The following GABRB2 variants were observed in gnomAD, a reference collection of about 807,000 sequenced individuals.
GABRB2 encodes the protein gamma-aminobutyric acid receptor subunit beta-2.
In GABRB2, 16 loss-of-function variants were observed where a neutral mutation model predicts 54.7. The ratio of observed to expected loss-of-function variants is 0.29; its 90% confidence interval spans 0.20 to 0.44. The LOEUF is 0.44. GABRB2 is among the 20% of genes least tolerant of loss of function. The pLI, the probability that GABRB2 is intolerant of heterozygous loss-of-function variation, is 1.00. For synonymous variants in GABRB2, 244 were observed against 233.8 expected (o/e 1.04, Z -0.40); for missense variants, 355 against 644.0 (o/e 0.55, Z 4.86).
chr5:161,469,136 T>C (rs1758362225), intron 3 of GABRB2, among the ~76,000 whole-genome samples: 1 of 151,934 alleles, frequency 6.6e-6, no homozygotes, highest in Non-Finnish European at 1.5e-5. Flanking sequence ...ACATGTCAAG[T>C]GATTTTCAAT....
intron 5 of GABRB2, among the ~76,000 whole-genome samples, chr5:161,340,974 T>G (rs1455674648): frequency 6.6e-6 from 1 of 152,028 alleles, no homozygotes; most frequent in African/African-American, 2.4e-5. Flanking sequence ...GGCTACTGCC[T>G]GTCTTAGAAA....
Position 161,291,138 on chromosome 5 carries a change from T to A in GABRB2, c.*2943A>T, listed in dbSNP as rs963696527. The A allele has an allele frequency of 6.6e-6, 1 of 152,530 alleles. No homozygotes were observed. Among genetic ancestry groups the A allele is most frequent in the Non-Finnish European group, 1.5e-5 (1 of 67,992 alleles). 9.4% of individuals were successfully genotyped at this position (152,530 alleles called of 1,614,324 possible). A position where few individuals can be genotyped will look rare whatever the true frequency, so the allele number is the denominator to read the frequency against. On this transcript the variant is annotated 3_prime_UTR_variant, in exon 10 of 10. Coordinates refer to ENST00000393959, the MANE Select transcript of GABRB2 (RefSeq NM_001371727.1). Reference sequence around the variant, plus strand: ...TACCTACTAGCGGTCATGTACAATATATATATATACAGATTGAGATCAAAG... The same window carrying A: ...TACCTACTAGCGGTCATGTACAATAAATATATATACAGATTGAGATCAAAG...
At chr5:161,338,598 G>A (rs1313007446) in intron 5 of GABRB2, among the ~76,000 whole-genome samples, 1 of 151,972 alleles carries the variant, frequency 6.6e-6, no homozygotes, top group Non-Finnish European at 1.5e-5. Flanking sequence ...ACCATCCTGG[G>A]CAACATAGTA....
At chr5:161,348,991 C>T (rs918447442) in intron 5 of GABRB2, among the ~76,000 whole-genome samples, 1 of 152,092 alleles carries the variant, frequency 6.6e-6, no homozygotes, top group Non-Finnish European at 1.5e-5. Context: ...GAATTGCCAA[C>T]TCTCTTCATA....
chr5:161,498,704 G>A (rs1375595402), intron 3 of GABRB2, among the ~76,000 whole-genome samples: 2 of 152,050 alleles, frequency 1.3e-5, no homozygotes, highest in Non-Finnish European at 2.9e-5. Flanking sequence ...ACAAGGCTCT[G>A]TGCCAAAGGG....
chr5:161,313,119 T>C (rs1257351016), intron 9 of GABRB2, among the ~76,000 whole-genome samples: 1 of 152,188 alleles, frequency 6.6e-6, no homozygotes, highest in African/African-American at 2.4e-5. Context: ...AGCTGTTATG[T>C]CCTGTGAAGT....
At position 161,294,003 on chromosome 5, in the gene GABRB2, G is replaced by T; in HGVS notation, c.*78C>A. On this transcript the variant is annotated 3_prime_UTR_variant, in exon 10 of 10. Coordinates refer to ENST00000393959, the MANE Select transcript of GABRB2 (RefSeq NM_001371727.1). ...CGTCACTTTTGTCCTGGATTGATGT[G>T]TTTTCCAAGTCCTACATCAGGCTGT... 1 of 1,121,798 alleles carries T rather than the reference G, an allele frequency of 8.9e-7. No individual in the cohort carries two copies. The highest frequency in any genetic ancestry group is 1.3e-6 in the Non-Finnish European group (1 of 769,166). The allele number at this position is 1,121,798 out of a possible 1,614,324, so 69.5% of individuals were successfully genotyped here.
chr5:161,301,393 C>T (rs544843431), intron 9 of GABRB2, among the ~76,000 whole-genome samples: 49 of 152,060 alleles, frequency 3.2e-4, no homozygotes, highest in Admixed American at 1.4e-3. Context: ...AGTGCAGACA[C>T]AAGAGAAACC....
At chr5:161,419,482 C>G (rs560657128) in intron 4 of GABRB2, among the ~76,000 whole-genome samples, 1 of 152,094 alleles carries the variant, frequency 6.6e-6, no homozygotes, top group Non-Finnish European at 1.5e-5. Flanking sequence ...GAAAATAAAC[C>G]GCTACGCCAA....
chr5:161,365,194 C>G (rs111995736), intron 5 of GABRB2, among the ~76,000 whole-genome samples: 1,617 of 152,236 alleles, frequency 0.011, 35 homozygotes, highest in South Asian at 0.05. Flanking sequence ...TCATGGGTCT[C>G]TAACATACAT....
At chr5:161,317,998 T>C (rs72813513) in intron 9 of GABRB2, among the ~76,000 whole-genome samples, 8,783 of 152,092 alleles carry the variant, frequency 0.058, 367 homozygotes, top group Middle Eastern at 0.071. Context: ...TATAGATGCA[T>C]AAATCGTTAT....
At chr5:161,543,338 A>G (rs949619688) in intron 3 of GABRB2, among the ~76,000 whole-genome samples, 14 of 152,254 alleles carry the variant, frequency 9.2e-5, no homozygotes, top group African/African-American at 2.9e-4. Context: ...ACTTAAAGGA[A>G]AGAAAAATAA....
In GABRB2 at chr5:161,330,947, T is replaced by C; in HGVS notation, c.1013A>G (p.Gln338Arg). The change falls in exon 8 of 10, where the codon CAA becomes CGA. Residue 338 changes from glutamine to arginine, a missense_variant. Transcript: ENST00000393959. ...GGCAGCCTTCTCAGCTGCTTTCTTT[T>C]GGCGTTGGGGCCCCCTCCCAAAGAA... ...YIFFGRGPQR[Q>R]KKAAEKAASA... 1 of 1,614,180 alleles carries C rather than the reference T, an allele frequency of 6.2e-7. No homozygotes were observed. The highest frequency in any genetic ancestry group is 8.5e-7 in the Non-Finnish European group (1 of 1,180,026).
chr5:161,435,809 G>A (rs988149886), intron 4 of GABRB2, among the ~76,000 whole-genome samples: 1 of 152,156 alleles, frequency 6.6e-6, no homozygotes, highest in Non-Finnish European at 1.5e-5. Flanking sequence ...ACGTGGAACA[G>A]TAATATCCTA....
chr5:161,464,019 T>G (rs2113278594), intron 3 of GABRB2, among the ~76,000 whole-genome samples: 1 of 152,022 alleles, frequency 6.6e-6, no homozygotes, highest in Admixed American at 6.6e-5. Context: ...CAGAAGAAAT[T>G]CTCTGACTTT....
At chr5:161,491,363 G>C (rs907166658) in intron 3 of GABRB2, among the ~76,000 whole-genome samples, 25 of 151,600 alleles carry the variant, frequency 1.6e-4, no homozygotes, top group Admixed American at 1.2e-3. Context: ...CGTTCCTTAA[G>C]AAAGAAATGT....
intron 3 of GABRB2, among the ~76,000 whole-genome samples, chr5:161,471,036 C>T (rs1758423630): frequency 6.6e-6 from 1 of 151,958 alleles, no homozygotes; most frequent in South Asian, 2.1e-4. Flanking sequence ...TTTGTTCTCT[C>T]CACCCACTGG....
At chr5:161,537,541 C>A (rs1020945509) in intron 3 of GABRB2, among the ~76,000 whole-genome samples, 1 of 152,208 alleles carries the variant, frequency 6.6e-6, no homozygotes, top group Non-Finnish European at 1.5e-5. Flanking sequence ...CAAGTCCTGT[C>A]ACTTTCATCT....
At chr5:161,434,748 C>T (rs1029389132) in intron 4 of GABRB2, among the ~76,000 whole-genome samples, 1 of 152,176 alleles carries the variant, frequency 6.6e-6, no homozygotes, top group Non-Finnish European at 1.5e-5. Flanking sequence ...TACACTTCCT[C>T]ATCTGATGGG....
Sources: gnomAD v4.1 joint callset for allele counts (sites outside exome capture counted in the v4.1 genomes callset) on GRCh38, gnomAD v4.1.1 for gene constraint, MANE v1.5 for transcripts, NCBI Gene and HGNC (gene_info 2026-07-23, HGNC 2026-07-21) for gene names.